The following CFAP99 variants were observed in gnomAD, a reference collection of about 807,000 sequenced individuals.
CFAP99 encodes the protein cilia and flagella associated protein 99.
In CFAP99, 84 loss-of-function variants were observed where a neutral mutation model predicts 82.7. The ratio of observed to expected loss-of-function variants is 1.02; its 90% CI spans 0.85 to 1.22. The LOEUF is 1.22. Ranked by LOEUF, CFAP99 falls within the 50% of genes most tolerant of loss-of-function variation. The probability of loss-of-function intolerance (pLI) is 0.00; values close to 1 mark genes in which losing one functional copy is unlikely to be tolerated. For missense variants in CFAP99, 1,059 were observed against 983.5 expected, an observed-to-expected ratio of 1.08 and a Z score of -1.03; for synonymous variants, 456 against 429.5, an observed-to-expected ratio of 1.06 and a Z score of -0.76.
intron 1 of CFAP99, among the ~76,000 whole-genome samples, chr4:2,421,199 A>G (rs1733577434): frequency 6.6e-6 from 1 of 152,180 alleles, no homozygotes; most frequent in Admixed American, 6.5e-5. Flanking sequence ...TTTAATTAAC[A>G]TACATTTGAG....
chr4:2,435,464 G>A (rs1733887453), intron 2 of CFAP99, among the ~76,000 whole-genome samples: 1 of 152,212 alleles, frequency 6.6e-6, no homozygotes, highest in Non-Finnish European at 1.5e-5. Flanking sequence ...TTATGGCTAT[G>A]TTAATAGCCT....
At chr4:2,425,359 C>T (rs930556234) in intron 1 of CFAP99, among the ~76,000 whole-genome samples, 19 of 152,172 alleles carry the variant, frequency 1.2e-4, no homozygotes, top group African/African-American at 4.3e-4. Context: ...CAACATGGAC[C>T]CTTCAGCACG....
In CFAP99 at chr4:2,448,326, T is replaced by C. The variant is rs1304203467; in HGVS notation, c.643-1344T>C. ...CCTGGGCCCTCACCATGTCCTCCCA[T>C]GCTCTATAGCTGTGTGCCTCTCAGT... On this transcript the variant is annotated intron_variant, in intron 6 of 14. Transcript: ENST00000635017. This position sits in a 1 kb window ranked among gnomAD's most constrained non-coding sequence, Gnocchi z 5.2. 1.3e-5 allele frequency among the ~76,000 whole-genome samples: 2 copies of C among 152,216 alleles called. No homozygotes were observed. Among genetic ancestry groups the C allele is most frequent in the Admixed American group, 1.3e-4 (2 of 15,274 alleles).
intron 7 of CFAP99, 70 bp from the exon 8 acceptor site, chr4:2,449,864 C>T (rs532507888): frequency 3.3e-5 from 51 of 1,529,374 alleles, no homozygotes; most frequent in East Asian, 2.2e-4. Context: ...GGTGGAAGTT[C>T]GTCCTCCCAT....
rs1734079834 is a variant in CFAP99, at chr4:2,442,936, CTTGGGGGGAG to C, written c.352-193_352-184del. On this transcript the variant is annotated intron_variant, in intron 4 of 14. Transcript: ENST00000635017. Reference sequence around the variant, plus strand: ...GGGAGCTCACTGGGGTGCTGGGGGCCTTGGGGGGAGCCACTGGGGGTGCTGGGGGCCTTGG... The same window carrying C: ...GGGAGCTCACTGGGGTGCTGGGGGCCCCACTGGGGGTGCTGGGGGCCTTGG... Among the ~76,000 whole-genome samples, 10 of 68,502 alleles carry C rather than the reference CTTGGGGGGAG, an allele frequency of 1.5e-4. No homozygotes were observed. In the South Asian group the frequency reaches 5.1e-3, roughly 35 times the overall value. The allele number at this position is 68,502 out of a possible 152,430, so 44.9% of individuals were successfully genotyped here.
At chr4:2,452,979 C>T (rs12498379) in intron 11 of CFAP99, among the ~76,000 whole-genome samples, 49,390 of 152,006 alleles carry the variant, frequency 0.32, 9,215 homozygotes, top group East Asian at 0.6. Context: ...AGGAGGATCA[C>T]GTGAGCCTGG....
At chr4:2,460,282 G>A (rs1452572447) in intron 14 of CFAP99, 40 bp downstream of exon 14, 3 of 1,518,890 alleles carry the variant, frequency 2.0e-6, no homozygotes, top group African/African-American at 1.4e-5. Context: ...TGGGTGGACA[G>A]GGAGCATGCT....
intron 2 of CFAP99, among the ~76,000 whole-genome samples, chr4:2,433,656 C>A (rs142942371): frequency 6.6e-6 from 1 of 152,192 alleles, no homozygotes; most frequent in Non-Finnish European, 1.5e-5. Context: ...AGGGCATTCC[C>A]TTTCCTCTCT....
At chr4:2,443,233 C>T in exon 5 of CFAP99, 1 of 1,533,936 alleles carries the variant, frequency 6.5e-7, no homozygotes, top group Non-Finnish European at 8.7e-7. Flanking sequence ...TGGATCGACC[C>T]CCTGATGAGG....
At chr4:2,449,346 C>T (rs548350081) in intron 6 of CFAP99, among the ~76,000 whole-genome samples, 3 of 152,258 alleles carry the variant, frequency 2.0e-5, no homozygotes, top group South Asian at 2.1e-4. Context: ...CTGCCTCCCC[C>T]TCTTGCTCCT....
chr4:2,458,531 T>C (rs1734488778), intron 11 of CFAP99, among the ~76,000 whole-genome samples, 192 bp from the exon 12 acceptor site: 1 of 151,942 alleles, frequency 6.6e-6, no homozygotes, highest in South Asian at 2.1e-4. Context: ...GGACATGAGG[T>C]GGAAGTTCCC....
chr4:2,459,986 A>G, intron 13 of CFAP99, 51 bp from the exon 14 acceptor site: 1 of 1,506,198 alleles, frequency 6.6e-7, no homozygotes, highest in Non-Finnish European at 8.9e-7. Flanking sequence ...GGTGGGAAGC[A>G]TCGGGGCCCA....
chr4:2,459,755 C>A (rs1466292116), intron 13 of CFAP99, among the ~76,000 whole-genome samples: 1 of 152,208 alleles, frequency 6.6e-6, no homozygotes, highest in East Asian at 1.9e-4. Flanking sequence ...CGGCTGTCTG[C>A]CCCAGGCCCC....
At chr4:2,438,144 C>A in exon 4 of CFAP99, 3 of 1,535,326 alleles carry the variant, frequency 2.0e-6, no homozygotes, top group Non-Finnish European at 2.6e-6. Context: ...CAAGTCCCAG[C>A]CCGTGGATAA....
chr4:2,451,523 A>G (rs1307049060), intron 10 of CFAP99, among the ~76,000 whole-genome samples, 171 bp downstream of exon 10: 3 of 152,130 alleles, frequency 2.0e-5, no homozygotes, highest in Non-Finnish European at 4.4e-5. Context: ...TCAGGGTCCC[A>G]GGTGCATCTT....
chr4:2,449,480 C>T (rs1734249743), intron 6 of CFAP99, among the ~76,000 whole-genome samples, 190 bp from the exon 7 acceptor site: 1 of 151,912 alleles, frequency 6.6e-6, no homozygotes, highest in Non-Finnish European at 1.5e-5. Flanking sequence ...GCCTGACCTC[C>T]TTCCCTTTAC....
intron 2 of CFAP99, among the ~76,000 whole-genome samples, chr4:2,434,220 G>A (rs1733862323): frequency 6.6e-6 from 1 of 152,232 alleles, no homozygotes; most frequent in Non-Finnish European, 1.5e-5. Flanking sequence ...GCAGGATCGA[G>A]GTTTCTGAGT....
exon 3 of CFAP99, chr4:2,437,000 G>C: frequency 6.5e-7 from 1 of 1,536,068 alleles, no homozygotes; most frequent in East Asian, 2.4e-5. Flanking sequence ...CCTGCGGGTT[G>C]ACCACAGCCG....
chr4:2,454,161 C>G (rs1178436259), intron 11 of CFAP99, among the ~76,000 whole-genome samples: 6 of 152,122 alleles, frequency 3.9e-5, no homozygotes, highest in Non-Finnish European at 7.3e-5. Flanking sequence ...CAATGCCCAG[C>G]TATTTCTTTT....
Sources: allele counts gnomAD v4.1 joint callset (sites outside exome capture counted in the v4.1 genomes callset), GRCh38; gene constraint gnomAD v4.1.1; non-coding constraint Gnocchi (gnomAD v3.1); transcripts MANE v1.5; gene names NCBI Gene and HGNC (gene_info 2026-07-23, HGNC 2026-07-21).